The following PCDHA7 variants were observed in gnomAD, a reference collection of about 807,000 sequenced individuals.
PCDHA7 encodes the protein protocadherin alpha-7.
Under a neutral mutation model 57.2 loss-of-function variants are expected in PCDHA7, and 37 were observed. That is an observed-to-expected ratio of 0.65 (90% confidence interval 0.50 to 0.85). The LOEUF (loss-of-function observed/expected upper bound fraction) is 0.85. Among genes scored for constraint, PCDHA7 ranks in the 40% least tolerant of loss-of-function variants. The pLI is 0.00. For synonymous variants in PCDHA7, 553 were observed against 558.8 expected, an observed-to-expected ratio of 0.99 and a Z score of 0.15; for missense variants, 1,188 against 1,241.8, an observed-to-expected ratio of 0.96 and a Z score of 0.65.
At chr5:140,891,174 T>C (rs147745090) in intron 1 of PCDHA7, among the ~76,000 whole-genome samples, 2,208 of 152,320 alleles carry the variant, frequency 0.014, 24 homozygotes, top group Non-Finnish European at 0.022. Flanking sequence ...TTTTCAGATT[T>C]TCTGTGTGTC....
rs568789486 is a variant in PCDHA7 at position 140,896,494 on chromosome 5, C to G, written c.2355+59756C>G. 6.6e-5 allele frequency among the ~76,000 whole-genome samples: 10 copies of G among 151,966 alleles called. No individual in the cohort carries two copies. In the East Asian group the frequency reaches 1.9e-3, roughly 29 times the overall value. On this transcript the variant is annotated intron_variant, in intron 1 of 3. Coordinates refer to ENST00000525929, the MANE Select transcript of PCDHA7 (RefSeq NM_018910.3). The stretch of plus-strand genomic sequence containing the variant: ...TCTCCTGCCTCAGCCTCCTGAGTAG[C>G]TGGGACTGTGCAGGCACACACCACA...
chr5:140,843,741 A>T, intron 1 of PCDHA7: 3 of 1,536,408 alleles, frequency 2.0e-6, no homozygotes. Context: ...TTTAGAACTC[A>T]TAAATTCTAT....
intron 1 of PCDHA7, chr5:140,875,494 G>A (rs1178647780): frequency 6.2e-7 from 1 of 1,613,020 alleles, no homozygotes; most frequent in Non-Finnish European, 8.5e-7. Context: ...CGGACCAAGA[G>A]GCCCGGGATC....
intron 1 of PCDHA7, among the ~76,000 whole-genome samples, chr5:140,894,564 T>C (rs1554186142): frequency 6.6e-6 from 1 of 151,978 alleles, no homozygotes; most frequent in Non-Finnish European, 1.5e-5. Context: ...GAAAAAATTA[T>C]TTTCCTTTTT....
In PCDHA7 at chr5:140,875,591, A is replaced by G. The variant is rs1438500941; in HGVS notation, c.2355+38853A>G. ...CACTACTCCGTCTACGAGGAGGCCAAACACGGCACCTTCGTGGGCCGCATC... is the reference window on the plus strand; with the variant it reads ...CACTACTCCGTCTACGAGGAGGCCAGACACGGCACCTTCGTGGGCCGCATC... On this transcript the variant is annotated intron_variant, in intron 1 of 3. Coordinates refer to ENST00000525929, the MANE Select transcript of PCDHA7 (RefSeq NM_018910.3). The G allele has an allele frequency of 9.3e-6, 15 of 1,613,878 alleles. No homozygotes were observed. The highest frequency in any genetic ancestry group is 1.7e-5 in the Admixed American group (1 of 60,004).
intron 1 of PCDHA7, among the ~76,000 whole-genome samples, chr5:140,874,611 C>T (rs1274309771): frequency 6.6e-6 from 1 of 152,220 alleles, no homozygotes; most frequent in African/African-American, 2.4e-5. Flanking sequence ...GAGGCTTCAA[C>T]TAAACATTTT....
intron 1 of PCDHA7, among the ~76,000 whole-genome samples, chr5:140,907,985 A>T (rs1377305456): frequency 2.6e-5 from 4 of 152,178 alleles, no homozygotes; most frequent in East Asian, 1.9e-4. Flanking sequence ...GCTTCTTCCA[A>T]GTCCTTAACC....
In PCDHA7 at chr5:140,881,260, A is replaced by G. The variant is rs1223751140; in HGVS notation, c.2355+44522A>G. The G allele has an allele frequency of 7.6e-6, 4 of 528,232 alleles. No individual in the cohort carries two copies. In the African/African-American group the frequency reaches 8.2e-5, roughly 11 times the overall value. The allele number at this position is 528,232 out of a possible 1,614,324, so 32.7% of individuals were successfully genotyped here. On this transcript the variant is annotated intron_variant, in intron 1 of 3. Transcript: ENST00000525929. ...TTTAAATGACGGCAAGGTTTTACTC[A>G]GTGATGATGAAGTAAGATGGAGAGA... is the stretch of plus-strand genomic sequence containing the variant.
intron 1 of PCDHA7, among the ~76,000 whole-genome samples, chr5:140,954,141 T>C (rs1344784554): frequency 2.0e-5 from 3 of 152,208 alleles, no homozygotes; most frequent in Non-Finnish European, 4.4e-5. Flanking sequence ...TGCATAGTAT[T>C]CCATGGTGTA....
chr5:140,891,426 C>A lies in PCDHA7; in HGVS notation c.2355+54688C>A, dbSNP rs76102230. On this transcript the variant is annotated intron_variant, in intron 1 of 3. Transcript: ENST00000525929. ...CCACCCCCCACTCTTGCCCCCAAGTCCCCAACGTCCATTGTATAGGATTTT... is the reference window on the plus strand; with the variant it reads ...CCACCCCCCACTCTTGCCCCCAAGTACCCAACGTCCATTGTATAGGATTTT... Among the ~76,000 whole-genome samples, 774 of 148,652 alleles carry A rather than the reference C, an allele frequency of 5.2e-3. 4 individuals are homozygous for A. Among genetic ancestry groups the A allele is most frequent in the African/African-American group, 0.018 (747 of 40,514 alleles).
chr5:140,883,352 G>T (rs1554177776), intron 1 of PCDHA7: 1 of 1,614,164 alleles, frequency 6.2e-7, no homozygotes, highest in South Asian at 1.1e-5. Flanking sequence ...CATCAGAGAA[G>T]ACACTCAGCC....
Position 140,843,748 on chromosome 5 carries a change from C to A in PCDHA7, c.2355+7010C>A. On this transcript the variant is annotated intron_variant, in intron 1 of 3. Coordinates refer to ENST00000525929, the MANE Select transcript of PCDHA7 (RefSeq NM_018910.3). ...CATTTAAATTTAGAACTCATAAATT[C>A]TATTTGTGGAAATTGTAGTTACTTT... is the stretch of plus-strand genomic sequence containing the variant. 1.3e-6 allele frequency: 2 copies of A among 1,523,192 alleles called. 1 individual carries two copies. Among genetic ancestry groups the A allele is most frequent in the Non-Finnish European group, 1.8e-6 (2 of 1,110,082 alleles). 94.4% of individuals were successfully genotyped at this position (1,523,192 alleles called of 1,614,324 possible). A position where few individuals can be genotyped will look rare whatever the true frequency, so the allele number is the denominator to read the frequency against.
intron 1 of PCDHA7, chr5:140,841,869 A>G (rs1223944877): frequency 6.2e-7 from 1 of 1,613,734 alleles, no homozygotes; most frequent in African/African-American, 1.3e-5. Flanking sequence ...CTAGATGTGA[A>G]TTCAAAGAAC....
chr5:140,912,318 C>T (rs1554195270), intron 1 of PCDHA7, among the ~76,000 whole-genome samples: 2 of 151,536 alleles, frequency 1.3e-5, no homozygotes, highest in East Asian at 1.9e-4. Context: ...CAAGTTGACC[C>T]TCAGTATTAA....
intron 1 of PCDHA7, among the ~76,000 whole-genome samples, chr5:140,937,011 G>A (rs567332621): frequency 9.2e-5 from 14 of 151,352 alleles, no homozygotes; most frequent in Non-Finnish European, 1.8e-4. Flanking sequence ...ACAGACAACC[G>A]ATTAACAAGG....
At chr5:140,868,256 T>TGG (rs2050360583) in intron 1 of PCDHA7, 1 of 152,126 alleles carries the variant, frequency 6.6e-6, no homozygotes, top group Non-Finnish European at 1.5e-5. Context: ...TTTTCCTTTG[T>TGG]GGATTCTTTT....
intron 1 of PCDHA7, chr5:140,854,476 A>G (rs1156843367): frequency 6.7e-6 from 1 of 150,032 alleles, no homozygotes. Flanking sequence ...GTAGAGAAGT[A>G]TAGAAACAGA....
At chr5:140,856,360 C>T (rs2043951808) in intron 1 of PCDHA7, 2 of 1,598,438 alleles carry the variant, frequency 1.3e-6, no homozygotes, top group Admixed American at 1.7e-5. Context: ...GCAGCATCCA[C>T]CTGGAGGTGA....
intron 1 of PCDHA7, chr5:140,864,198 A>G (rs1437307959): frequency 6.6e-6 from 1 of 152,182 alleles, no homozygotes; most frequent in Non-Finnish European, 1.5e-5. Flanking sequence ...TCCTTATGAG[A>G]AGGTCAAATC....
Sources: gnomAD v4.1 joint callset for allele counts (sites outside exome capture counted in the v4.1 genomes callset) on GRCh38, gnomAD v4.1.1 for gene constraint, MANE v1.5 for transcripts, NCBI Gene and HGNC (gene_info 2026-07-23, HGNC 2026-07-21) for gene names.